Variants in UNC93B1 observed in about 807,000 individuals in gnomAD.
UNC93B1 encodes the protein unc-93B1 regulator of TLR signaling.
In UNC93B1, 33 loss-of-function variants were observed where a neutral mutation model predicts 56.8. The ratio of observed to expected loss-of-function variants is 0.58; its 90% CI spans 0.44 to 0.78. The LOEUF is 0.78. UNC93B1 is among the 30% of genes least tolerant of loss of function. The pLI is 0.00. For synonymous variants in UNC93B1, 334 were observed against 358.6 expected (o/e 0.93, Z 0.77); for missense variants, 673 against 819.5 (o/e 0.82, Z 2.18).
chr11:67,995,705 G>A lies in UNC93B1; in HGVS notation c.1269C>T (p.Ala423=), dbSNP rs897885241. ...TGTGTTGCAGGACCCGAGGCACAGG[G>A]GCCCAGAAAAAGAGGATGAAGGTGA... ...LLLTFILFFW[A]PVPRVLQHSW... is the part of the protein sequence containing the mutation. The change falls in exon 9 of 11, where the codon GCC becomes GCT. Residue 423 remains alanine, a synonymous_variant. Transcript: ENST00000227471. The A allele has an allele frequency of 6.5e-6, 10 of 1,548,572 alleles. No individual in the cohort carries two copies. The highest frequency in any genetic ancestry group is 2.3e-4 in the Middle Eastern group (1 of 4,356).
intron 3 of UNC93B1, among the ~76,000 whole-genome samples, chr11:68,001,054 AGC>A (rs1857037409): frequency 6.6e-6 from 1 of 151,596 alleles, no homozygotes; most frequent in Admixed American, 6.6e-5. Flanking sequence ...AAATTAGCTG[AGC>A]GTGGTGGCGG....
At chr11:67,995,999 G>T in intron 8 of UNC93B1, 115 bp from the exon 9 acceptor site, 5 of 851,642 alleles carry the variant, frequency 5.9e-6, no homozygotes, top group Non-Finnish European at 8.4e-6. Context: ...CTAAGAGCCA[G>T]GGGGGAAGAG....
chr11:67,998,216 C>T, intron 6 of UNC93B1, 143 bp downstream of exon 6: 2 of 933,958 alleles, frequency 2.1e-6, no homozygotes, highest in Non-Finnish European at 3.4e-6. Flanking sequence ...TAACTACTTA[C>T]TCCTACAGGG....
chr11:67,996,500 A>G (rs1390470473), intron 8 of UNC93B1, 102 bp downstream of exon 8: 5 of 1,410,992 alleles, frequency 3.5e-6, no homozygotes, highest in Non-Finnish European at 3.8e-6. Flanking sequence ...ATACATGTAC[A>G]CACTTACATA....
rs60629377 is a variant in UNC93B1 at position 68,002,185 on chromosome 11, TACACACACACACAC to T, written c.392+823_392+836del. On this transcript the variant is annotated intron_variant, in intron 3 of 10. Coordinates refer to ENST00000227471, the MANE Select transcript of UNC93B1 (RefSeq NM_030930.4). ...CAAAAGCAAACATAGCCCGCTTGCATACACACACACACACACACACACACACACACACACACGGG... is the reference window on the plus strand; with the variant it reads ...CAAAAGCAAACATAGCCCGCTTGCATACACACACACACACACACACACGGG... Among the ~76,000 whole-genome samples, 475 of 140,778 alleles carry T rather than the reference TACACACACACACAC, an allele frequency of 3.4e-3. 5 individuals carry two copies. The highest frequency in any genetic ancestry group is 0.011 in the African/African-American group (417 of 37,244). 92.4% of individuals were successfully genotyped at this position (140,778 alleles called of 152,430 possible). A position where few individuals can be genotyped will look rare whatever the true frequency, so the allele number is the denominator to read the frequency against.
At chr11:67,996,828 C>G (rs777648953) in intron 7 of UNC93B1, 44 bp from the exon 8 acceptor site, 1 of 1,485,652 alleles carries the variant, frequency 6.7e-7, no homozygotes, top group Non-Finnish European at 9.0e-7. Flanking sequence ...AGGCCCAGGC[C>G]TGGCCTCCAG....
In UNC93B1 at chr11:67,996,621, G is replaced by A. The variant is rs1014420754; in HGVS notation, c.1070C>T (p.Ala357Val). 3 of 1,550,238 alleles carry A rather than the reference G, an allele frequency of 1.9e-6. No homozygotes were observed. The highest frequency in any genetic ancestry group is 8.7e-7 in the Non-Finnish European group (1 of 1,145,966). Residue 357 changes from alanine to valine, a missense_variant, in exon 8 of 11, where the codon GCC becomes GTC. By Grantham distance (64) the Ala-to-Val change is moderately conservative. Around this residue, in one of 3 missense-constraint regions of UNC93B1, gnomAD observed 155 missense variants for 268.3 expected, o/e 0.58. Transcript: ENST00000227471. The part of the protein sequence containing the change: ...FIYSGFEVLF[A>V]CTGIALGYGV... ...ACTTACCAAGGCGATACCAGTGCAG[G>A]CAAAGAGCACCTCGAAGCCGCTGTA...
At chr11:67,995,966 C>A in intron 8 of UNC93B1, 82 bp from the exon 9 acceptor site, 1 of 1,290,648 alleles carries the variant, frequency 7.7e-7, no homozygotes, top group Non-Finnish European at 1.0e-6. Flanking sequence ...GCGGGGGTGC[C>A]TCACCCCCCT....
chr11:67,998,538 C>T, intron 5 of UNC93B1, 86 bp from the exon 6 acceptor site: 1 of 1,389,810 alleles, frequency 7.2e-7, no homozygotes, highest in Non-Finnish European at 1.0e-6. Flanking sequence ...GGTCCAGGCA[C>T]AGCCTTGGGG....
chr11:68,001,383 G>A (rs1857042718), intron 3 of UNC93B1, among the ~76,000 whole-genome samples: 1 of 152,082 alleles, frequency 6.6e-6, no homozygotes, highest in South Asian at 2.1e-4. Flanking sequence ...AATTGGGGGA[G>A]TGCTGGATGT....
intron 4 of UNC93B1, 77 bp from the exon 5 acceptor site, chr11:67,999,382 G>A: frequency 6.4e-7 from 1 of 1,556,174 alleles, no homozygotes; most frequent in Non-Finnish European, 8.7e-7. Context: ...AGAGCTAGGA[G>A]CAGACCAGCC....
intron 6 of UNC93B1, 69 bp downstream of exon 6, chr11:67,998,290 G>C: frequency 1.3e-6 from 2 of 1,553,972 alleles, no homozygotes; most frequent in Non-Finnish European, 1.8e-6. Flanking sequence ...CTGTGAGTGA[G>C]GGCCCAGTGT....
rs1857095164 is a variant in UNC93B1, at chr11:68,004,067, G to C, written c.-24C>G. ...ATGGCCCGAACTACTGCGGACTCGC[G>C]GCGGTCGCCCCGGAGTCCCTGCGAC... On this transcript the variant is annotated 5_prime_UTR_variant, in exon 1 of 11. Transcript: ENST00000227471. 7.6e-7 allele frequency: 1 copy of C among 1,324,444 alleles called. No homozygotes were observed. Among genetic ancestry groups the C allele is most frequent in the Non-Finnish European group, 9.7e-7 (1 of 1,035,220 alleles). 82.0% of individuals were successfully genotyped at this position (1,324,444 alleles called of 1,614,324 possible). A position where few individuals can be genotyped will look rare whatever the true frequency, so the allele number is the denominator to read the frequency against.
rs1303673085 is a variant in UNC93B1 at position 67,998,303 on chromosome 11, G to T, written c.781+56C>A. 1.2e-5 allele frequency: 19 copies of T among 1,587,318 alleles called. No individual in the cohort carries two copies. In the East Asian group the frequency reaches 4.2e-4, roughly 35 times the overall value. ...TCCTGTGAGTGAGGGCCCAGTGTCT[G>T]CTGGGGAAGTAAGCAGGCTTTGTGG... On this transcript the variant is annotated intron_variant, in intron 6 of 10. Transcript: ENST00000227471.
chr11:67,996,347 C>T (rs1388803856), intron 8 of UNC93B1, among the ~76,000 whole-genome samples: 1 of 152,074 alleles, frequency 6.6e-6, no homozygotes, highest in African/African-American at 2.4e-5. Context: ...TCCCTAGACA[C>T]CGTGGGCTGT....
intron 10 of UNC93B1, among the ~76,000 whole-genome samples, chr11:67,992,687 CAG>C (rs1490706791): frequency 8.1e-6 from 1 of 123,678 alleles, no homozygotes; most frequent in African/African-American, 3.1e-5. Flanking sequence ...TTTTGGAAGA[CAG>C]AGTCTCGCTC....
At chr11:67,999,448 G>A in intron 4 of UNC93B1, 71 bp downstream of exon 4, 1 of 1,544,920 alleles carries the variant, frequency 6.5e-7, no homozygotes, top group Non-Finnish European at 8.7e-7. Context: ...TGGTCCCCCA[G>A]CCAAAGTTGG....
chr11:67,992,984 C>A (rs1226630203), intron 10 of UNC93B1, among the ~76,000 whole-genome samples: 3 of 151,404 alleles, frequency 2.0e-5, no homozygotes, highest in African/African-American at 7.3e-5. Context: ...ATTTTTAGTT[C>A]TATTTTTATT....
intron 9 of UNC93B1, among the ~76,000 whole-genome samples, chr11:67,994,010 C>T (rs1004220586): frequency 1.6e-4 from 24 of 152,176 alleles, no homozygotes; most frequent in Non-Finnish European, 4.4e-5. Context: ...GGAGCAGGTG[C>T]CTCGGGCTGT....
Sources: gnomAD v4.1 joint callset for allele counts (sites outside exome capture counted in the v4.1 genomes callset) on GRCh38, gnomAD v4.1.1 for gene constraint, gnomAD v4.1.1 regional missense constraint, MANE v1.5 for transcripts, NCBI Gene and HGNC (gene_info 2026-07-23, HGNC 2026-07-21) for gene names.